The following BRCC3 variants were observed in gnomAD, a reference collection of about 807,000 sequenced individuals.
BRCC3 encodes the protein lys-63-specific deubiquitinase BRCC36.
A neutral mutation model predicts 28.0 loss-of-function variants in BRCC3; 15 were observed. The observed-to-expected ratio is 0.54, with a 90% CI of 0.36 to 0.82. BRCC3 has a LOEUF of 0.82. BRCC3 is among the 40% of genes least tolerant of loss of function. BRCC3 has a pLI of 0.01. For missense variants in BRCC3, 109 were observed against 225.9 expected, an observed-to-expected ratio of 0.48 and a Z score of 3.32; for synonymous variants, 66 against 80.3, an observed-to-expected ratio of 0.82 and a Z score of 0.95.
chrX:155,073,515 G>A lies in BRCC3; in HGVS notation c.195+84G>A, dbSNP rs2298259. On this transcript the variant is annotated intron_variant, in intron 3 of 10. Transcript: ENST00000330045. ...TCCAGTGATCTCAGCCAGAGTATGC[G>A]GTTTCTGGCTGGATGAGATATTCTT... 6 of 1,015,938 alleles carry A rather than the reference G, an allele frequency of 5.9e-6. No individual in the cohort carries two copies. The East Asian group carries it at 1.0e-4, about 17-fold the overall frequency. 83.7% of individuals were successfully genotyped at this position (1,015,938 alleles called of 1,213,427 possible).
Position 155,072,340 on chromosome X carries a change from C to T in BRCC3, c.137C>T (p.Thr46Ile). 8.4e-7 allele frequency: 1 copy of T among 1,189,015 alleles called. No homozygotes were observed. The highest frequency in any genetic ancestry group is 1.1e-6 in the Non-Finnish European group (1 of 876,578). ...GLCIGELNDD[T>I]RSDSKFAYTG... ...TTCCCACTCTAGTTGAACGATGATA[C>T]AAGGTAAGACTGTATTTGTTTACTC... The change falls in exon 2 of 11, where the codon ACA becomes ATA. Residue 46 changes from threonine (T) to isoleucine (I), a missense_variant. By Grantham distance (89) the Thr-to-Ile change is moderately conservative. Around this residue, in one of 3 missense-constraint regions of BRCC3, gnomAD observed 58 missense variants for 92.8 expected, o/e 0.63. Transcript: ENST00000330045.
At position 155,075,314 on chromosome X, in the gene BRCC3, C is replaced by CTT. The variant is rs1569560427; in HGVS notation, c.196-1856_196-1855insTT. Among the ~76,000 whole-genome samples, 34 of 109,529 alleles carry CTT rather than the reference C, an allele frequency of 3.1e-4. 1 individual carries two copies. Among genetic ancestry groups the CTT allele is most frequent in the Admixed American group, 2.5e-3 (26 of 10,561 alleles). On this transcript the variant is annotated intron_variant, in intron 3 of 10. Coordinates refer to ENST00000330045, the MANE Select transcript of BRCC3 (RefSeq NM_001018055.3). ...TTCCCCTGGCCCTTCTTGTTCTTCC[C>CTT]CACACTAAATGTGGCCACTCCCCTT...
rs1463784713 is a variant in BRCC3, at chrX:155,122,264, A to G, written c.*1060A>G. On this transcript the variant is annotated 3_prime_UTR_variant, in exon 11 of 11. Coordinates refer to ENST00000330045, the MANE Select transcript of BRCC3 (RefSeq NM_001018055.3). Reference sequence around the variant, plus strand: ...AGCATATGAAAAGCTGTTAAACTCCATAAGTCATCAGGGAATGCAAATTGA... The same window carrying G: ...AGCATATGAAAAGCTGTTAAACTCCGTAAGTCATCAGGGAATGCAAATTGA... The G allele has an allele frequency of 3.6e-5, 4 of 112,188 alleles. No homozygotes were observed. The highest frequency in any genetic ancestry group is 2.8e-4 in the East Asian group (1 of 3,617). 9.2% of individuals were successfully genotyped at this position (112,188 alleles called of 1,213,427 possible).
intron 3 of BRCC3, among the ~76,000 whole-genome samples, chrX:155,075,312 CCCCACACTAAA>C (rs1569560426): frequency 1.9e-5 from 1 of 52,879 alleles, no homozygotes; most frequent in Non-Finnish European, 2.9e-5. Context: ...TCTTGTTCTT[CCCCACACTAAA>C]TGTGGCCACT....
At chrX:155,099,653 G>A (rs112241898) in intron 7 of BRCC3, among the ~76,000 whole-genome samples, 20 of 112,088 alleles carry the variant, frequency 1.8e-4, no homozygotes, top group African/African-American at 5.8e-4. Flanking sequence ...GCCACTGCCC[G>A]TTATGTATTA....
At chrX:155,117,878 A>C (rs952028174) in intron 9 of BRCC3, among the ~76,000 whole-genome samples, 1 of 112,243 alleles carries the variant, frequency 8.9e-6, no homozygotes, top group Admixed American at 9.4e-5. Context: ...AGTGCTGAAC[A>C]AAAGAGACAG....
chrX:155,076,408 C>CA (rs1177387974), intron 3 of BRCC3, among the ~76,000 whole-genome samples: 33 of 102,760 alleles, frequency 3.2e-4, no homozygotes, highest in East Asian at 1.5e-3. Context: ...AACAAAAAAA[C>CA]AAAAAAAAAA....
Position 155,116,229 on chromosome X carries a change from CTAG to C in BRCC3, c.680+43_680+45del. The C allele has an allele frequency of 2.7e-6, 3 of 1,123,700 alleles. No individual in the cohort carries two copies. In the East Asian group the frequency reaches 1.0e-4, roughly 37 times the overall value. The allele number at this position is 1,123,700 out of a possible 1,213,427, so 92.6% of individuals were successfully genotyped here. ...ACTCCTCTTCTCTACTTCTCAGGAC[CTAG>C]TCTCTCTTTTCTTCTTCTGTCCTTT... is the stretch of plus-strand genomic sequence containing the variant. On this transcript the variant is annotated intron_variant, in intron 8 of 10. Coordinates refer to ENST00000330045, the MANE Select transcript of BRCC3 (RefSeq NM_001018055.3).
chrX:155,084,561 C>T (rs1413917880), intron 5 of BRCC3, among the ~76,000 whole-genome samples: 6 of 111,776 alleles, frequency 5.4e-5, no homozygotes, highest in African/African-American at 2.0e-4. Flanking sequence ...GATGGGGTTT[C>T]ACTGTGTTAG....
intron 2 of BRCC3, 35 bp from the exon 3 acceptor site, chrX:155,073,342 A>G (rs1557292889): frequency 8.8e-7 from 1 of 1,137,646 alleles, no homozygotes; most frequent in African/African-American, 1.9e-5. Flanking sequence ...TCCAAACCCC[A>G]CTTCCTTTTT....
chrX:155,102,681 A>C (rs782507880), intron 7 of BRCC3, among the ~76,000 whole-genome samples: 6 of 111,581 alleles, frequency 5.4e-5, no homozygotes, highest in Non-Finnish European at 7.6e-5. Context: ...GAAATCATTT[A>C]CTCTTTCACC....
At chrX:155,106,048 G>A (rs1557297502) in intron 7 of BRCC3, among the ~76,000 whole-genome samples, 2 of 111,929 alleles carry the variant, frequency 1.8e-5, no homozygotes, top group East Asian at 2.8e-4. Context: ...AACTTGTCTA[G>A]CTCCAGATAA....
chrX:155,094,161 T>C (rs1304764519), intron 7 of BRCC3, among the ~76,000 whole-genome samples: 1 of 110,967 alleles, frequency 9.0e-6, no homozygotes, highest in Non-Finnish European at 1.9e-5. Flanking sequence ...CTTGTCAACA[T>C]GAGGCTTCAC....
rs782223767 is a variant in BRCC3, at chrX:155,084,121, C to T, written c.404-5142C>T. On this transcript the variant is annotated intron_variant, in intron 5 of 10. Transcript: ENST00000330045. Reference sequence around the variant, plus strand: ...TCAGTTACATCATACACACACTTAACGTACCTGAATTTTACCTATACAGTA... The same window carrying T: ...TCAGTTACATCATACACACACTTAATGTACCTGAATTTTACCTATACAGTA... Among the ~76,000 whole-genome samples, 8 of 112,379 alleles carry T rather than the reference C, an allele frequency of 7.1e-5. 1 individual carries two copies. Among genetic ancestry groups the T allele is most frequent in the Admixed American group, 9.3e-5 (1 of 10,700 alleles).
chrX:155,109,185 G>C (rs1569560579), intron 7 of BRCC3, among the ~76,000 whole-genome samples: 1 of 111,860 alleles, frequency 8.9e-6, no homozygotes, highest in Non-Finnish European at 1.9e-5. Context: ...GTCTATCCTT[G>C]TGTCAGTAAC....
rs1569560424 is a variant in BRCC3 at position 155,075,312 on chromosome X, C to G, written c.196-1858C>G. 7.2e-4 allele frequency among the ~76,000 whole-genome samples: 38 copies of G among 52,896 alleles called. 1 individual carries two copies. Among genetic ancestry groups the G allele is most frequent in the Admixed American group, 5.1e-3 (26 of 5,106 alleles). 45.9% of individuals were successfully genotyped at this position (52,896 alleles called of 115,157 possible). On this transcript the variant is annotated intron_variant, in intron 3 of 10. Coordinates refer to ENST00000330045, the MANE Select transcript of BRCC3 (RefSeq NM_001018055.3). ...CTTTCCCCTGGCCCTTCTTGTTCTT[C>G]CCCACACTAAATGTGGCCACTCCCC...
intron 7 of BRCC3, among the ~76,000 whole-genome samples, chrX:155,103,971 A>T (rs2074262284): frequency 9.1e-6 from 1 of 109,855 alleles, no homozygotes. Flanking sequence ...TTATTTATTT[A>T]TTTTTTTAGA....
chrX:155,083,713 C>G (rs1162739114), intron 5 of BRCC3, among the ~76,000 whole-genome samples: 2 of 112,554 alleles, frequency 1.8e-5, no homozygotes, highest in Admixed American at 1.9e-4. Flanking sequence ...CAAAAACACT[C>G]TAGTTTGGCT....
intron 9 of BRCC3, among the ~76,000 whole-genome samples, chrX:155,117,931 G>A (rs1557299012): frequency 1.8e-5 from 2 of 110,935 alleles, no homozygotes; most frequent in South Asian, 7.6e-4. Context: ...TTCCATTTGG[G>A]GGAAAATAGA....
Sources: gnomAD v4.1 joint callset for allele counts (sites outside exome capture counted in the v4.1 genomes callset) on GRCh38, gnomAD v4.1.1 for gene constraint, gnomAD v4.1.1 regional missense constraint, MANE v1.5 for transcripts, NCBI Gene and HGNC (gene_info 2026-07-23, HGNC 2026-07-21) for gene names.